TSHR: variants seen among roughly 807,000 people sequenced by gnomAD.
The protein encoded by TSHR is thyroid stimulating hormone receptor.
A neutral mutation model predicts 64.1 loss-of-function variants in TSHR; 51 were observed. That is an observed-to-expected ratio of 0.80 (90% CI 0.64 to 1.01). The LOEUF (loss-of-function observed/expected upper bound fraction) is 1.01. Among genes scored for constraint, TSHR ranks in the 50% least tolerant of loss-of-function variants. The pLI, the probability that TSHR is intolerant of heterozygous loss-of-function variation, is 0.00. For missense variants in TSHR, 877 were observed against 942.8 expected (o/e 0.93, Z 0.91); for synonymous variants, 361 against 361.9 (o/e 1.00, Z 0.03).
chr14:80,991,557 AG>A (rs1888726384), intron 1 of TSHR: 1 of 398,492 alleles, frequency 2.5e-6, no homozygotes, highest in African/African-American at 2.1e-5. Flanking sequence ...GAGAAGAGAG[AG>A]GAAAAAAGTC....
In TSHR at chr14:81,144,218, G is replaced by A. The variant is rs770444142; in HGVS notation, c.2160G>A (p.Gln720=). The change falls in exon 10 of 10, where the codon CAG becomes CAA. Residue 720 remains glutamine, a synonymous_variant. Transcript: ENST00000298171. ...RVPPKNSTDI[Q]VQKVTHEMRQ... is the part of the protein sequence containing the mutation. ...CTCCAAAGAACAGCACTGATATTCAGGTTCAAAAGGTTACCCACGAGATGA... is the reference window on the plus strand; with the variant it reads ...CTCCAAAGAACAGCACTGATATTCAAGTTCAAAAGGTTACCCACGAGATGA... The A allele has an allele frequency of 6.8e-6, 11 of 1,613,218 alleles. No homozygotes were observed. The African/African-American group carries it at 1.1e-4, about 16-fold the overall frequency.
At chr14:81,114,649 A>G (rs904385580) in intron 8 of TSHR, among the ~76,000 whole-genome samples, 2 of 152,178 alleles carry the variant, frequency 1.3e-5, no homozygotes, top group African/African-American at 4.8e-5. Context: ...ACAAAGCAGC[A>G]GGGAAGCTCG....
chr14:81,144,344 G>T lies in TSHR; in HGVS notation c.2286G>T (p.Thr762=). Residue 762 remains threonine (T), a synonymous_variant, in exon 10 of 10, where the codon ACG becomes ACT. Coordinates refer to ENST00000298171, the MANE Select transcript of TSHR (RefSeq NM_000369.5). ...QGQISEEYMQ[T]VL ...AAATCTCAGAAGAGTATATGCAAACGGTTTTGTAAGTTAACACTACACTAC... is the reference window on the plus strand; with the variant it reads ...AAATCTCAGAAGAGTATATGCAAACTGTTTTGTAAGTTAACACTACACTAC... The T allele has an allele frequency of 6.2e-7, 1 of 1,614,060 alleles. No individual in the cohort carries two copies. Among genetic ancestry groups the T allele is most frequent in the Non-Finnish European group, 8.5e-7 (1 of 1,180,016 alleles).
chr14:81,101,184 C>A (rs1391597296), intron 7 of TSHR, among the ~76,000 whole-genome samples: 1 of 152,116 alleles, frequency 6.6e-6, no homozygotes, highest in East Asian at 1.9e-4. Context: ...TATTACACTA[C>A]TGAAGAAGAA....
chr14:81,018,488 T>C (rs535810578), intron 1 of TSHR, among the ~76,000 whole-genome samples: 1 of 152,268 alleles, frequency 6.6e-6, no homozygotes, highest in Admixed American at 6.5e-5. Flanking sequence ...TAGAGTTAAA[T>C]TGTTTCTGGA....
chr14:81,144,072 T>C lies in TSHR; in HGVS notation c.2014T>C (p.Cys672Arg). Residue 672 changes from cysteine to arginine, a missense_variant, in exon 10 of 10, where the codon TGT becomes CGT. Physicochemically the swap from Cys to Arg is radical, Grantham distance 180. Transcript: ENST00000298171. The part of the protein sequence containing the change: ...LLVLFYPLNS[C>R]ANPFLYAIFT... ...GGTACTCTTCTATCCACTTAACTCC[T>C]GTGCCAATCCATTCCTCTATGCTAT... The C allele has an allele frequency of 3.1e-6, 5 of 1,614,222 alleles. No homozygotes were observed. The highest frequency in any genetic ancestry group is 4.2e-6 in the Non-Finnish European group (5 of 1,180,046).
At chr14:81,104,320 T>C (rs2140018864) in intron 7 of TSHR, 1 of 985,418 alleles carries the variant, frequency 1.0e-6, no homozygotes, top group South Asian at 4.7e-5. Context: ...CACAGAAGTG[T>C]TCCCATGAGA....
At chr14:81,037,075 G>A (rs1484164723) in intron 1 of TSHR, among the ~76,000 whole-genome samples, 3 of 151,932 alleles carry the variant, frequency 2.0e-5, no homozygotes, top group South Asian at 2.1e-4. Context: ...CCCGGGAGAC[G>A]AGGTTGCAGT....
At chr14:81,087,143 T>C (rs79567461) in intron 3 of TSHR, among the ~76,000 whole-genome samples, 4,989 of 152,280 alleles carry the variant, frequency 0.033, 234 homozygotes, top group African/African-American at 0.1. Context: ...GTACCACCAA[T>C]GACTAGATGC....
chr14:81,074,546 T>C (rs1321302915), intron 3 of TSHR, among the ~76,000 whole-genome samples: 1 of 152,190 alleles, frequency 6.6e-6, no homozygotes, highest in East Asian at 1.9e-4. Flanking sequence ...ACCATATAAG[T>C]ACCATCAACC....
rs759773701 is a variant in TSHR, at chr14:81,087,994, G to C, written c.358G>C (p.Asp120His). ...NTRNLTYIDPDALKELPLLKF... is the reference protein window; with the variant it reads ...NTRNLTYIDPHALKELPLLKF... Reference sequence around the variant, plus strand: ...CAGGAACTTAACTTACATAGACCCTGATGCCCTCAAAGAGCTCCCCCTCCT... The same window carrying C: ...CAGGAACTTAACTTACATAGACCCTCATGCCCTCAAAGAGCTCCCCCTCCT... The change falls in exon 4 of 10, where the codon GAT becomes CAT. Residue 120 changes from aspartate (D) to histidine (H), a missense_variant. Physicochemically the swap from Asp to His is moderately conservative, Grantham distance 81. Coordinates refer to ENST00000298171, the MANE Select transcript of TSHR (RefSeq NM_000369.5). The C allele has an allele frequency of 6.2e-7, 1 of 1,613,922 alleles. No individual in the cohort carries two copies. The highest frequency in any genetic ancestry group is 1.6e-4 in the Middle Eastern group (1 of 6,062).
At chr14:81,022,330 G>C (rs1041279681) in intron 1 of TSHR, among the ~76,000 whole-genome samples, 2 of 152,178 alleles carry the variant, frequency 1.3e-5, no homozygotes, top group African/African-American at 2.4e-5. Flanking sequence ...CATGATAATT[G>C]TATGTGTCAA....
At chr14:81,039,017 A>G (rs1884794080) in intron 1 of TSHR, among the ~76,000 whole-genome samples, 1 of 151,854 alleles carries the variant, frequency 6.6e-6, no homozygotes, top group Admixed American at 6.6e-5. Context: ...ACTGAAGAGG[A>G]GATAAGTTCA....
At chr14:81,132,140 T>C (rs1193964243) in intron 8 of TSHR, among the ~76,000 whole-genome samples, 1 of 152,230 alleles carries the variant, frequency 6.6e-6, no homozygotes, top group Non-Finnish European at 1.5e-5. Flanking sequence ...AGTAAATTAA[T>C]CTTTCTGCTC....
chr14:81,019,654 C>T (rs903305420), intron 1 of TSHR, among the ~76,000 whole-genome samples: 1 of 151,812 alleles, frequency 6.6e-6, no homozygotes, highest in African/African-American at 2.4e-5. Context: ...GTTCCCCTCC[C>T]TGTGTCCATG....
intron 8 of TSHR, among the ~76,000 whole-genome samples, chr14:81,121,426 T>C (rs1890786921): frequency 6.6e-6 from 1 of 152,180 alleles, no homozygotes; most frequent in African/African-American, 2.4e-5. Context: ...AGATATTTTC[T>C]CACATGCAAA....
At chr14:80,958,550 G>T (rs1201067190) in intron 1 of TSHR, among the ~76,000 whole-genome samples, 1 of 152,148 alleles carries the variant, frequency 6.6e-6, no homozygotes, top group Non-Finnish European at 1.5e-5. Flanking sequence ...CAGAAAGCAG[G>T]AGGTTAGCAG....
At chr14:81,044,196 G>A (rs1885054400) in intron 1 of TSHR, among the ~76,000 whole-genome samples, 1 of 152,070 alleles carries the variant, frequency 6.6e-6, no homozygotes, top group South Asian at 2.1e-4. Flanking sequence ...ATCTGACAAA[G>A]GTCTAATATC....
intron 1 of TSHR, among the ~76,000 whole-genome samples, chr14:80,962,012 A>G (rs761610124): frequency 3.9e-5 from 6 of 152,180 alleles, no homozygotes; most frequent in Non-Finnish European, 5.9e-5. Flanking sequence ...TAGATTGCCA[A>G]ACTCTGGAGT....
Sources: gnomAD v4.1 joint callset for allele counts (sites outside exome capture counted in the v4.1 genomes callset) on GRCh38, gnomAD v4.1.1 for gene constraint, MANE v1.5 for transcripts, NCBI Gene and HGNC (gene_info 2026-07-23, HGNC 2026-07-21) for gene names.